The following CFAP54 variants were observed in gnomAD, a reference collection of about 807,000 sequenced individuals.
The protein encoded by CFAP54 is cilia and flagella associated protein 54.
Under a neutral mutation model 370.4 loss-of-function variants are expected in CFAP54, and 290 were observed. The ratio of observed to expected loss-of-function variants is 0.78; its 90% CI spans 0.71 to 0.86. The LOEUF is 0.86. CFAP54 is among the 40% of genes least tolerant of loss of function. CFAP54 has a pLI of 0.00. For missense variants in CFAP54, 3,399 were observed against 3,528.7 expected (o/e 0.96, Z 0.93); for synonymous variants, 1,206 against 1,236.5 (o/e 0.98, Z 0.52).
rs886812708 is a variant in CFAP54 at position 96,665,443 on chromosome 12, A to G, written c.5563+1511A>G. ...GCCTAGGTTGTCTTCCAGGGCTTCT[A>G]TAGTTTTGGGTTTTGCAATTAAGTC... is the stretch of plus-strand genomic sequence containing the variant. On this transcript the variant is annotated intron_variant, in intron 39 of 67. Coordinates refer to ENST00000524981, the MANE Select transcript of CFAP54 (RefSeq NM_001306084.2). Among the ~76,000 whole-genome samples, 7 of 152,084 alleles carry G rather than the reference A, an allele frequency of 4.6e-5. No individual in the cohort carries two copies. In the South Asian group the frequency reaches 8.3e-4, roughly 18 times the overall value.
intron 44 of CFAP54, among the ~76,000 whole-genome samples, chr12:96,693,130 G>T: frequency 6.6e-6 from 1 of 152,192 alleles, no homozygotes; most frequent in South Asian, 2.1e-4. Flanking sequence ...GTAAGCTTGG[G>T]TTTTAACCAG....
chr12:96,681,071 G>T (rs1314601312), intron 40 of CFAP54, among the ~76,000 whole-genome samples: 3 of 151,502 alleles, frequency 2.0e-5, no homozygotes, highest in Admixed American at 2.0e-4. Context: ...GACAAAGCGA[G>T]ACTGTCTCAA....
At chr12:96,872,005 A>G (rs1320187782) in intron 67 of CFAP54, among the ~76,000 whole-genome samples, 3 of 152,104 alleles carry the variant, frequency 2.0e-5, no homozygotes, top group Non-Finnish European at 4.4e-5. Flanking sequence ...GGAAGGAAAG[A>G]GTCCTTTGAA....
intron 67 of CFAP54, among the ~76,000 whole-genome samples, chr12:96,873,456 T>C (rs1354633719): frequency 2.0e-5 from 3 of 152,166 alleles, no homozygotes; most frequent in Admixed American, 1.3e-4. Context: ...AATCCAGAGG[T>C]TCATGATTCA....
intron 66 of CFAP54, among the ~76,000 whole-genome samples, chr12:96,836,003 C>CCTAAGG (rs1353394219): frequency 6.6e-6 from 1 of 152,056 alleles, no homozygotes; most frequent in African/African-American, 2.4e-5. Flanking sequence ...GGAGCAGAGC[C>CCTAAGG]CTAAGTGACA....
At chr12:96,871,163 T>C (rs896614401) in intron 67 of CFAP54, among the ~76,000 whole-genome samples, 1 of 152,166 alleles carries the variant, frequency 6.6e-6, no homozygotes, top group Non-Finnish European at 1.5e-5. Context: ...ATGGACATGA[T>C]GAGACTCCAG....
chr12:96,643,717 T>G (rs1475941304), intron 32 of CFAP54, among the ~76,000 whole-genome samples: 2 of 152,220 alleles, frequency 1.3e-5, no homozygotes, highest in Non-Finnish European at 2.9e-5. Flanking sequence ...TCAGCTATAT[T>G]CAACTGATGT....
intron 50 of CFAP54, among the ~76,000 whole-genome samples, chr12:96,726,350 C>T (rs1957835834): frequency 6.6e-6 from 1 of 152,140 alleles, no homozygotes; most frequent in Non-Finnish European, 1.5e-5. Flanking sequence ...GCCACAATTT[C>T]AGATCTGTTA....
chr12:96,612,531 C>T (rs1956370032), intron 26 of CFAP54, among the ~76,000 whole-genome samples: 1 of 152,190 alleles, frequency 6.6e-6, no homozygotes, highest in Non-Finnish European at 1.5e-5. Flanking sequence ...CAAATTCACA[C>T]ATAGCAATAT....
chr12:96,778,789 C>G (rs1479750983), intron 60 of CFAP54, among the ~76,000 whole-genome samples: 2 of 152,050 alleles, frequency 1.3e-5, no homozygotes, highest in African/African-American at 4.8e-5. Context: ...GCATTTTACT[C>G]TATTATAAAA....
chr12:96,725,421 T>A (rs1369246854), intron 50 of CFAP54, among the ~76,000 whole-genome samples: 1 of 152,188 alleles, frequency 6.6e-6, no homozygotes, highest in Middle Eastern at 3.2e-3. Context: ...CCTAAGTATT[T>A]TATTCTCTTT....
intron 66 of CFAP54, among the ~76,000 whole-genome samples, chr12:96,857,165 G>A (rs1026672132): frequency 1.3e-5 from 2 of 152,104 alleles, no homozygotes; most frequent in Non-Finnish European, 2.9e-5. Context: ...CCTCCCACCG[G>A]GTCCCTCCCG....
intron 34 of CFAP54, among the ~76,000 whole-genome samples, 162 bp from the exon 35 acceptor site, chr12:96,649,729 A>C (rs1644840201): frequency 6.6e-6 from 1 of 152,200 alleles, no homozygotes; most frequent in African/African-American, 2.4e-5. Context: ...CCTTCTCTAG[A>C]AACTTTCCCT....
chr12:96,607,473 G>T (rs1036003082), intron 26 of CFAP54, among the ~76,000 whole-genome samples: 7 of 152,096 alleles, frequency 4.6e-5, no homozygotes, highest in African/African-American at 1.7e-4. Flanking sequence ...GAAAATTATG[G>T]TTATGGTATT....
chr12:96,867,549 G>A (rs937625326), intron 67 of CFAP54, among the ~76,000 whole-genome samples: 7 of 152,172 alleles, frequency 4.6e-5, no homozygotes, highest in East Asian at 1.9e-4. Context: ...TGGGATGTGC[G>A]TGTATATGTA....
intron 42 of CFAP54, 53 bp downstream of exon 42, chr12:96,685,291 G>A: frequency 2.0e-6 from 3 of 1,511,708 alleles, no homozygotes; most frequent in Non-Finnish European, 2.7e-6. Flanking sequence ...TCCTTGTGGG[G>A]TGCCCTCCTG....
chr12:96,558,777 C>A (rs372123874), intron 17 of CFAP54, among the ~76,000 whole-genome samples: 1 of 152,134 alleles, frequency 6.6e-6, no homozygotes, highest in African/African-American at 2.4e-5. Flanking sequence ...TAAAACTACT[C>A]CAAGATACCA....
chr12:96,569,945 G>T (rs952062779), intron 19 of CFAP54, among the ~76,000 whole-genome samples: 1 of 151,674 alleles, frequency 6.6e-6, no homozygotes, highest in Non-Finnish European at 1.5e-5. Flanking sequence ...TTTTTAGGGG[G>T]GAAGAATATA....
chr12:96,663,639 A>G (rs1245973489), intron 38 of CFAP54, among the ~76,000 whole-genome samples, 191 bp from the exon 39 acceptor site: 1 of 152,216 alleles, frequency 6.6e-6, no homozygotes. Flanking sequence ...CAAAAGAAAT[A>G]TGAAAAATTA....
Sources: gnomAD v4.1 joint callset for allele counts (sites outside exome capture counted in the v4.1 genomes callset) on GRCh38, gnomAD v4.1.1 for gene constraint, MANE v1.5 for transcripts, NCBI Gene and HGNC (gene_info 2026-07-23, HGNC 2026-07-21) for gene names.